The following NLRP5 variants were observed in gnomAD, a reference collection of about 807,000 sequenced individuals.
NLRP5 encodes NACHT, LRR and PYD domains-containing protein 5.
In NLRP5, 93 loss-of-function variants were observed where a neutral mutation model predicts 113.1. The observed-to-expected ratio is 0.82, with a 90% CI of 0.70 to 0.98. The LOEUF (loss-of-function observed/expected upper bound fraction) is 0.98, where lower values mean the gene tolerates loss of function less well. Ranked by LOEUF, NLRP5 falls within the 50% of genes least tolerant of loss-of-function variation. The pLI is 0.00. For synonymous variants in NLRP5, 751 were observed against 600.7 expected, an observed-to-expected ratio of 1.25 and a Z score of -3.66; for missense variants, 1,808 against 1,514.3, an observed-to-expected ratio of 1.19 and a Z score of -3.22.
intron 4 of NLRP5, among the ~76,000 whole-genome samples, chr19:56,018,045 C>T (rs1458103527): frequency 6.6e-6 from 1 of 152,178 alleles, no homozygotes; most frequent in African/African-American, 2.4e-5. Context: ...CACAGTTCTT[C>T]CCATCTTCTG....
At chr19:56,053,538 G>A in intron 12 of NLRP5, 100 bp from the exon 13 acceptor site, 1 of 1,072,114 alleles carries the variant, frequency 9.3e-7, no homozygotes, top group South Asian at 1.6e-5. Flanking sequence ...GGCCCGTCAG[G>A]AAGGAATAAA....
rs531028760 is a variant in NLRP5 at position 56,031,473 on chromosome 19, A to G, written c.2277-1138A>G. Among the ~76,000 whole-genome samples, 9 of 151,972 alleles carry G rather than the reference A, an allele frequency of 5.9e-5. No homozygotes were observed. In the South Asian group the frequency reaches 1.9e-3, roughly 32 times the overall value. ...GTGAAACCCCATCTCTACTAAAAAA[A>G]TACAAAAATTAGCCAGGCATGGTGG... On this transcript the variant is annotated intron_variant, in intron 7 of 14. Coordinates refer to ENST00000390649, the MANE Select transcript of NLRP5 (RefSeq NM_153447.4).
At chr19:56,037,938 C>T in intron 9 of NLRP5, 87 bp from the exon 10 acceptor site, 1 of 1,394,996 alleles carries the variant, frequency 7.2e-7, no homozygotes, top group Non-Finnish European at 9.9e-7. Flanking sequence ...AGGAAAACGG[C>T]CAGCGCTGCT....
chr19:56,007,910 T>TGGGCACAGAAAGAC (rs1568483119), intron 2 of NLRP5, among the ~76,000 whole-genome samples: 1 of 25,158 alleles, frequency 4.0e-5, no homozygotes. Context: ...CGTGCGTGTG[T>TGGGCACAGAAAGAC]GTGTGTGTGT....
Position 56,061,535 on chromosome 19 carries a change from G to A in NLRP5, c.*7G>A, listed in dbSNP as rs370564362. ...GTACTGGTGGAAAAACTGAAGATAC[G>A]GAAACCTGCCCCACTCACACCCATC... On this transcript the variant is annotated 3_prime_UTR_variant, in exon 15 of 15. Coordinates refer to ENST00000390649, the MANE Select transcript of NLRP5 (RefSeq NM_153447.4). The A allele has an allele frequency of 2.5e-5, 41 of 1,613,774 alleles. No individual in the cohort carries two copies. The highest frequency in any genetic ancestry group is 1.9e-4 in the African/African-American group (14 of 74,910).
chr19:56,010,215 C>T (rs572217672), intron 3 of NLRP5, among the ~76,000 whole-genome samples: 110 of 152,282 alleles, frequency 7.2e-4, no homozygotes, highest in African/African-American at 2.6e-3. Context: ...CTTCTCAATC[C>T]TCTGTGGTAC....
At chr19:56,006,301 G>A (rs931613454) in intron 2 of NLRP5, among the ~76,000 whole-genome samples, 1 of 152,140 alleles carries the variant, frequency 6.6e-6, no homozygotes, top group African/African-American at 2.4e-5. Context: ...GGGAGTGATA[G>A]CATTAGGAGA....
intron 14 of NLRP5, among the ~76,000 whole-genome samples, chr19:56,060,039 A>G (rs1218389690): frequency 6.6e-6 from 1 of 152,226 alleles, no homozygotes; most frequent in African/African-American, 2.4e-5. Flanking sequence ...ACATGGCTCA[A>G]TGAATCTGGG....
chr19:56,003,115 C>T (rs1981719444), intron 1 of NLRP5, among the ~76,000 whole-genome samples: 1 of 151,156 alleles, frequency 6.6e-6, no homozygotes, highest in Non-Finnish European at 1.5e-5. Context: ...GGTATATACC[C>T]TAAGGATTAT....
Position 56,010,742 on chromosome 19 carries a change from C to CCAAAAAAAAAAAAAAAAAAAA in NLRP5, c.508+1889_508+1890insCAAAAAAAAAAAAAAAAAAAA, listed in dbSNP as rs1555764914. The stretch of plus-strand genomic sequence containing the variant: ...GGGAAACAAGAGCTTAACTCTGTCT[C>CCAAAAAAAAAAAAAAAAAAAA]AAAAAAAAAAAAAGTCCCTTGAAAC... On this transcript the variant is annotated intron_variant, in intron 3 of 14. Coordinates refer to ENST00000390649, the MANE Select transcript of NLRP5 (RefSeq NM_153447.4). 8.5e-4 allele frequency among the ~76,000 whole-genome samples: 35 copies of CCAAAAAAAAAAAAAAAAAAAA among 41,258 alleles called. 4 individuals carry two copies. Among genetic ancestry groups the CCAAAAAAAAAAAAAAAAAAAA allele is most frequent in the African/African-American group, 3.4e-3 (33 of 9,588 alleles). 27.1% of individuals were successfully genotyped at this position (41,258 alleles called of 152,430 possible).
At position 56,011,158 on chromosome 19, in the gene NLRP5, A is replaced by AATATATATATAT. The variant is rs1555764999; in HGVS notation, c.508+2314_508+2315insTATATATATATA. ...ATAAAATGAGACTATGTCTTTAAAA[A>AATATATATATAT]ATATATATACACACATACATTAATG... is the stretch of plus-strand genomic sequence containing the variant. On this transcript the variant is annotated intron_variant, in intron 3 of 14. Transcript: ENST00000390649. Among the ~76,000 whole-genome samples the AATATATATATAT allele has an allele frequency of 5.9e-3, 862 of 145,204 alleles. 4 individuals are homozygous for AATATATATATAT. Among genetic ancestry groups the AATATATATATAT allele is most frequent in the African/African-American group, 0.02 (802 of 40,098 alleles).
intron 7 of NLRP5, among the ~76,000 whole-genome samples, chr19:56,029,603 G>C (rs966320519): frequency 6.6e-6 from 1 of 152,142 alleles, no homozygotes; most frequent in Non-Finnish European, 1.5e-5. Context: ...GCTGATGCTT[G>C]CTGAATAGTG....
chr19:56,032,532 C>A, intron 7 of NLRP5, 79 bp from the exon 8 acceptor site: 1 of 1,355,218 alleles, frequency 7.4e-7, no homozygotes, highest in Non-Finnish European at 1.0e-6. Flanking sequence ...AGCTCGGTCC[C>A]TCTCCTCCGA....
At chr19:56,055,803 C>T (rs1468825210) in intron 13 of NLRP5, among the ~76,000 whole-genome samples, 39 of 151,758 alleles carry the variant, frequency 2.6e-4, no homozygotes, top group African/African-American at 9.5e-4. Context: ...CCTTGGCCTC[C>T]CAAAGTGCTG....
chr19:55,995,127 C>T (rs1303655846), upstream of NLRP5, among the ~76,000 whole-genome samples: 1 of 152,100 alleles, frequency 6.6e-6, no homozygotes, highest in Non-Finnish European at 1.5e-5. Flanking sequence ...CCAAACACCA[C>T]ATGTTCTCAC....
intron 13 of NLRP5, among the ~76,000 whole-genome samples, chr19:56,055,941 C>T (rs962025062): frequency 2.0e-5 from 3 of 152,138 alleles, no homozygotes; most frequent in Admixed American, 2.0e-4. Context: ...CCGCACTCTC[C>T]ACCCTCTCTG....
chr19:56,034,407 C>T (rs148459819), intron 9 of NLRP5, among the ~76,000 whole-genome samples: 44 of 152,312 alleles, frequency 2.9e-4, no homozygotes, highest in Non-Finnish European at 5.4e-4. Context: ...AAGTGCCCTT[C>T]TGGCAGTTTC....
chr19:56,028,240 C>G lies in NLRP5; in HGVS notation c.2007C>G (p.Val669=), dbSNP rs1599893511. 2.5e-6 allele frequency: 4 copies of G among 1,613,900 alleles called. No individual in the cohort carries two copies. The highest frequency in any genetic ancestry group is 3.4e-6 in the Non-Finnish European group (4 of 1,179,900). The change falls in exon 7 of 15, where the codon GTC becomes GTG. Residue 669 remains valine, a synonymous_variant. Transcript: ENST00000390649. ...TGAAGCAGAAGCTTCTGCACTGGGT[C>G]TCTCTGTTGGGTCAGCAGCCTAATG...
chr19:56,017,342 A>T (rs985031200), intron 4 of NLRP5, among the ~76,000 whole-genome samples: 2 of 143,520 alleles, frequency 1.4e-5, no homozygotes, highest in Non-Finnish European at 2.9e-5. Flanking sequence ...CTACTCACTA[A>T]CCCCAAAAGG....
Sources: allele counts gnomAD v4.1 joint callset (sites outside exome capture counted in the v4.1 genomes callset), GRCh38; gene constraint gnomAD v4.1.1; transcripts MANE v1.5; gene names NCBI Gene and HGNC (gene_info 2026-07-23, HGNC 2026-07-21).